Variants in H3-3A observed in about 807,000 individuals in gnomAD.
The protein encoded by H3-3A is histone H3.3.
For missense variants in H3-3A, 7 were observed against 184.0 expected (o/e 0.04, Z 5.57); for synonymous variants, 49 against 61.4 (o/e 0.80, Z 0.95).
intron 3 of H3-3A, among the ~76,000 whole-genome samples, chr1:226,069,644 C>T (rs1334068217): frequency 6.6e-6 from 1 of 151,982 alleles, no homozygotes; most frequent in Admixed American, 6.6e-5. Flanking sequence ...CCAGCCTGGC[C>T]AACATGGTGA....
upstream of H3-3A, chr1:226,062,220 G>C (rs1358435897): frequency 4.0e-5 from 6 of 151,162 alleles, no homozygotes; most frequent in South Asian, 2.1e-4. Context: ...GGGTCTCCTC[G>C]GGGGCGCGCG....
chr1:226,063,380 C>CT (rs1657804209), intron 1 of H3-3A, among the ~76,000 whole-genome samples: 1 of 151,692 alleles, frequency 6.6e-6, no homozygotes, highest in African/African-American at 2.4e-5. Context: ...GTTTTTTTCC[C>CT]TTTTTTGGAG....
intron 2 of H3-3A, among the ~76,000 whole-genome samples, chr1:226,065,243 T>C (rs1489257544): frequency 6.6e-6 from 1 of 152,230 alleles, no homozygotes; most frequent in East Asian, 1.9e-4. Flanking sequence ...AGCAGATTTT[T>C]AAATGAAGTT....
intron 3 of H3-3A, among the ~76,000 whole-genome samples, chr1:226,067,647 CAGG>C (rs1361372141): frequency 6.6e-6 from 1 of 151,834 alleles, no homozygotes; most frequent in East Asian, 1.9e-4. Flanking sequence ...GAGGCTGAGG[CAGG>C]AGAATTGCTT....
At chr1:226,063,565 C>T (rs1186752611) in intron 1 of H3-3A, among the ~76,000 whole-genome samples, 1 of 152,102 alleles carries the variant, frequency 6.6e-6, no homozygotes, top group Non-Finnish European at 1.5e-5. Context: ...CGAGTTGGTT[C>T]CTGCTCGAGG....
chr1:226,063,560 T>A (rs867654150), intron 1 of H3-3A, among the ~76,000 whole-genome samples: 20 of 152,134 alleles, frequency 1.3e-4, no homozygotes, highest in Admixed American at 5.2e-4. Context: ...GGAGCCGAGT[T>A]GGTTCCTGCT....
At chr1:226,064,272 A>G (rs567867002) in intron 1 of H3-3A, 57 bp from the exon 2 acceptor site, 77 of 1,278,944 alleles carry the variant, frequency 6.0e-5, no homozygotes, top group African/African-American at 1.5e-5. Context: ...TCGTGGCAGG[A>G]AAAGTTGTAT....
chr1:226,070,453 C>G, intron 3 of H3-3A, among the ~76,000 whole-genome samples: 2 of 150,760 alleles, frequency 1.3e-5, no homozygotes, highest in South Asian at 4.2e-4. Flanking sequence ...GCCTGGGCAA[C>G]AAAGAGAGAC....
At chr1:226,068,969 A>G (rs955606394) in intron 3 of H3-3A, among the ~76,000 whole-genome samples, 1 of 152,214 alleles carries the variant, frequency 6.6e-6, no homozygotes, top group African/African-American at 2.4e-5. Flanking sequence ...ACACGTGAAA[A>G]TAGTTCAATT....
chr1:226,070,589 T>A (rs1186019871), intron 3 of H3-3A, among the ~76,000 whole-genome samples: 1 of 152,050 alleles, frequency 6.6e-6, no homozygotes, highest in Non-Finnish European at 1.5e-5. Flanking sequence ...CTGACCAACA[T>A]GGTGAAACCC....
chr1:226,063,692 T>G (rs1306067592), intron 1 of H3-3A, among the ~76,000 whole-genome samples: 1 of 152,114 alleles, frequency 6.6e-6, no homozygotes, highest in Non-Finnish European at 1.5e-5. Context: ...GTGCGTTAAT[T>G]AAAGCCTGGG....
At chr1:226,067,975 C>T (rs1180208852) in intron 3 of H3-3A, among the ~76,000 whole-genome samples, 1 of 152,176 alleles carries the variant, frequency 6.6e-6, no homozygotes, top group Non-Finnish European at 1.5e-5. Context: ...CTTTTAATGT[C>T]TGAGAACTTG....
At chr1:226,062,965 C>T (rs1172538211) in intron 1 of H3-3A, among the ~76,000 whole-genome samples, 154 bp downstream of exon 1, 1 of 152,042 alleles carries the variant, frequency 6.6e-6, no homozygotes, top group Non-Finnish European at 1.5e-5. Flanking sequence ...AGCGAGTTTC[C>T]CTGTTCCCTC....
In H3-3A at chr1:226,064,320, T is replaced by C. The variant is rs1164732134; in HGVS notation, c.-23-9T>C. The C allele has an allele frequency of 6.2e-7, 1 of 1,601,948 alleles. No homozygotes were observed. The highest frequency in any genetic ancestry group is 2.2e-5 in the East Asian group (1 of 44,750). On this transcript the variant is annotated splice_polypyrimidine_tract_variant and intron_variant, in intron 1 of 3. Coordinates refer to ENST00000366815, the MANE Select transcript of H3-3A (RefSeq NM_002107.7). ...CATATGGTGATTTTTGATTTTTCAA[T>C]GCTGGTAGGTAAGTAAGGAGGTCTC...
At chr1:226,067,476 C>A (rs369728961) in intron 3 of H3-3A, among the ~76,000 whole-genome samples, 1 of 152,222 alleles carries the variant, frequency 6.6e-6, no homozygotes, top group South Asian at 2.1e-4. Flanking sequence ...CCGTGACTCA[C>A]ATCTGTAATC....
At chr1:226,067,090 A>G (rs181750492) in intron 3 of H3-3A, 1 of 152,240 alleles carries the variant, frequency 6.6e-6, no homozygotes, top group Admixed American at 6.5e-5. Flanking sequence ...ATTCGTAAGC[A>G]TTGGTACAAA....
chr1:226,070,391 G>C (rs1169882106), intron 3 of H3-3A, among the ~76,000 whole-genome samples: 1 of 152,116 alleles, frequency 6.6e-6, no homozygotes, highest in Non-Finnish European at 1.5e-5. Flanking sequence ...AGAATGACAT[G>C]AACCTGGGAG....
Position 226,067,743 on chromosome 1 carries a change from C to CAA in H3-3A, c.282+1947_282+1948dup, listed in dbSNP as rs4012724. On this transcript the variant is annotated intron_variant, in intron 3 of 3. Transcript: ENST00000366815. ...GGCAACAAGAGCAAAACTCTTGTCT[C>CAA]AAAAAAAAAAAAAAGATAACAGAGG... Among the ~76,000 whole-genome samples the CAA allele has an allele frequency of 6.7e-3, 974 of 146,296 alleles. 12 individuals are homozygous for CAA. The highest frequency in any genetic ancestry group is 0.023 in the African/African-American group (927 of 40,168).
At chr1:226,063,681 C>G (rs34485485) in intron 1 of H3-3A, among the ~76,000 whole-genome samples, 1 of 152,000 alleles carries the variant, frequency 6.6e-6, no homozygotes, top group African/African-American at 2.4e-5. Context: ...CGGCGGATGT[C>G]GTGCGTTAAT....
Sources: allele counts gnomAD v4.1 joint callset (sites outside exome capture counted in the v4.1 genomes callset), GRCh38; gene constraint gnomAD v4.1.1; transcripts MANE v1.5; gene names NCBI Gene and HGNC (gene_info 2026-07-23, HGNC 2026-07-21).